Variants in ZBBX observed in about 807,000 individuals in gnomAD.
The protein encoded by ZBBX is zinc finger B-box domain-containing protein 1.
In ZBBX, 101 loss-of-function variants were observed where a neutral mutation model predicts 108.5. The observed-to-expected ratio is 0.93, with a 90% CI of 0.79 to 1.10. The LOEUF (loss-of-function observed/expected upper bound fraction) is 1.10, where lower values mean the gene tolerates loss of function less well. Ranked by LOEUF, ZBBX falls within the 50% of genes least tolerant of loss-of-function variation. The probability of loss-of-function intolerance (pLI) is 0.00; values close to 1 mark genes in which losing one functional copy is unlikely to be tolerated. For synonymous variants in ZBBX, 356 were observed against 323.4 expected (o/e 1.10, Z -1.08); for missense variants, 1,009 against 941.4 (o/e 1.07, Z -0.94).
intron 16 of ZBBX, among the ~76,000 whole-genome samples, chr3:167,310,815 G>A (rs557970692): frequency 6.6e-6 from 1 of 152,156 alleles, no homozygotes; most frequent in African/African-American, 2.4e-5. Flanking sequence ...ATCTATATGA[G>A]GAATTCTACA....
chr3:167,209,320 C>T, the ZBBX span, among the ~76,000 whole-genome samples: 1 of 152,074 alleles, frequency 6.6e-6, no homozygotes, highest in African/African-American at 2.4e-5. Flanking sequence ...TGATCCAGCA[C>T]AGTCCCAGTG....
chr3:167,288,876 G>C lies in ZBBX; in HGVS notation c.1987C>G (p.Gln663Glu). Residue 663 changes from glutamine (Q) to glutamate (E), a missense_variant, in exon 19 of 22, where the codon CAA becomes GAA. Transcript: ENST00000675490. The part of the protein sequence containing the change: ...AQSPSSSRKQ[Q>E]KMGQKSQRPS... ...TTTGAGTCAATGTTACCCATCTTTT[G>C]CTGTTTTCTACTTGATGATGGACTC... 1 of 1,530,324 alleles carries C rather than the reference G, an allele frequency of 6.5e-7. No homozygotes were observed. Among genetic ancestry groups the C allele is most frequent in the East Asian group, 2.5e-5 (1 of 40,596 alleles). 94.8% of individuals were successfully genotyped at this position (1,530,324 alleles called of 1,614,324 possible).
In ZBBX at chr3:167,350,441, G is replaced by C; in HGVS notation, c.507C>G (p.Leu169=). Residue 169 remains leucine (L), a synonymous_variant, in exon 9 of 22, where the codon CTC becomes CTG. Transcript: ENST00000675490. ...ATACCTGCAAAAGAGTTGTTCTGTG[G>C]AGCTTTAGTGCCCCTTTCTGGTGAA... is the stretch of plus-strand genomic sequence containing the variant. ...AKVHQKGALK[L]HRTTLLQAKS... is the part of the protein sequence containing the mutation. 3 of 1,594,684 alleles carry C rather than the reference G, an allele frequency of 1.9e-6. No homozygotes were observed. The highest frequency in any genetic ancestry group is 1.7e-5 in the Admixed American group (1 of 59,428).
chr3:167,185,729 C>T, the ZBBX span, among the ~76,000 whole-genome samples: 4 of 152,016 alleles, frequency 2.6e-5, no homozygotes, highest in Non-Finnish European at 4.4e-5. Context: ...CCATGTACGG[C>T]CTATATATGT....
the ZBBX span, among the ~76,000 whole-genome samples, chr3:167,230,372 T>A: frequency 6.6e-6 from 1 of 151,766 alleles, no homozygotes; most frequent in African/African-American, 2.4e-5. Context: ...AGACAACATA[T>A]GCCATCAGGA....
At chr3:167,190,671 C>T in the ZBBX span, among the ~76,000 whole-genome samples, 99 of 152,210 alleles carry the variant, frequency 6.5e-4, 2 homozygotes, top group Admixed American at 4.7e-3. Context: ...TGAGCCACCG[C>T]GTCCGGCCCA....
In ZBBX at chr3:167,360,372, C is replaced by T. The variant is rs534643448; in HGVS notation, c.322+303G>A. Among the ~76,000 whole-genome samples the T allele has an allele frequency of 2.5e-4, 38 of 151,154 alleles. No individual in the cohort carries two copies. In the East Asian group the frequency reaches 7.0e-3, roughly 28 times the overall value. On this transcript the variant is annotated intron_variant, in intron 7 of 21. Transcript: ENST00000675490. ...GAGTGAAATTTTAATTTATAATTTACACTGCTAAATTATCTTCCTTATTAA... is the reference window on the plus strand; with the variant it reads ...GAGTGAAATTTTAATTTATAATTTATACTGCTAAATTATCTTCCTTATTAA...
At chr3:167,300,083 C>A (rs1304820035) in intron 17 of ZBBX, among the ~76,000 whole-genome samples, 1 of 152,152 alleles carries the variant, frequency 6.6e-6, no homozygotes, top group Admixed American at 6.5e-5. Context: ...TCCTGTCTTA[C>A]CAGTGGTGGA....
chr3:167,264,433 T>C, intron 20 of ZBBX, among the ~76,000 whole-genome samples: 1 of 152,230 alleles, frequency 6.6e-6, no homozygotes, highest in Admixed American at 6.5e-5. Flanking sequence ...ACCCATCATT[T>C]TAAACTGATG....
At chr3:167,278,297 T>C (rs1291939266) in intron 20 of ZBBX, among the ~76,000 whole-genome samples, 1 of 150,154 alleles carries the variant, frequency 6.7e-6, no homozygotes, top group Non-Finnish European at 1.5e-5. Context: ...TTCAAAAAAT[T>C]AATGAATCCA....
chr3:167,197,512 T>A, the ZBBX span, among the ~76,000 whole-genome samples: 1 of 152,118 alleles, frequency 6.6e-6, no homozygotes, highest in African/African-American at 2.4e-5. Flanking sequence ...CATTCCAGTC[T>A]GGGCAACAGA....
At chr3:167,329,031 A>T (rs1200651024) in intron 10 of ZBBX, among the ~76,000 whole-genome samples, 3 of 152,188 alleles carry the variant, frequency 2.0e-5, no homozygotes, top group Non-Finnish European at 4.4e-5. Flanking sequence ...GGCACAAAGT[A>T]GGTGTTCATT....
chr3:167,305,967 G>T lies in ZBBX; in HGVS notation c.1418-17C>A. 1.4e-6 allele frequency: 2 copies of T among 1,467,600 alleles called. No homozygotes were observed. Among genetic ancestry groups the T allele is most frequent in the Non-Finnish European group, 9.0e-7 (1 of 1,106,058 alleles). The allele number at this position is 1,467,600 out of a possible 1,614,324, so 90.9% of individuals were successfully genotyped here. ...AAGTTTCTGCTGTTAAAAACACACA[G>T]TTACAAAAGGTACATAAATAAATTT... On this transcript the variant is annotated splice_polypyrimidine_tract_variant and intron_variant, in intron 16 of 21. Transcript: ENST00000675490.
intron 20 of ZBBX, among the ~76,000 whole-genome samples, chr3:167,281,259 T>A (rs1728765368): frequency 6.6e-6 from 1 of 152,016 alleles, no homozygotes; most frequent in South Asian, 2.1e-4. Context: ...ATAATAATAA[T>A]AAATAAATAA....
chr3:167,331,564 C>T, intron 10 of ZBBX: 1 of 985,334 alleles, frequency 1.0e-6, no homozygotes, highest in Non-Finnish European at 1.2e-6. Flanking sequence ...CATTGGAATA[C>T]CTGGCTTCCA....
intron 20 of ZBBX, among the ~76,000 whole-genome samples, chr3:167,254,228 C>T (rs1318236057): frequency 7.9e-5 from 12 of 152,120 alleles, no homozygotes. Context: ...TTTTAACTTC[C>T]TCTCACTGTT....
chr3:167,185,533 A>G, the ZBBX span, among the ~76,000 whole-genome samples: 1 of 152,204 alleles, frequency 6.6e-6, no homozygotes, highest in East Asian at 1.9e-4. Flanking sequence ...TACCTTAAAT[A>G]AAATGAAAAT....
At chr3:167,326,563 C>CA (rs968801751) in intron 11 of ZBBX, among the ~76,000 whole-genome samples, 2 of 151,458 alleles carry the variant, frequency 1.3e-5, no homozygotes, top group Non-Finnish European at 1.5e-5. Context: ...CTATGGCTTC[C>CA]AAAGCAGACA....
intron 1 of ZBBX, among the ~76,000 whole-genome samples, chr3:167,404,802 G>A (rs570640167): frequency 3.3e-5 from 5 of 152,250 alleles, no homozygotes; most frequent in South Asian, 4.1e-4. Flanking sequence ...CCCTCTGGTG[G>A]CATTGTCAAA....
Sources: allele counts gnomAD v4.1 joint callset (sites outside exome capture counted in the v4.1 genomes callset), GRCh38; gene constraint gnomAD v4.1.1; transcripts MANE v1.5; gene names NCBI Gene and HGNC (gene_info 2026-07-23, HGNC 2026-07-21).